The following ADAMTS12 variants were observed in gnomAD, a reference collection of about 807,000 sequenced individuals.
ADAMTS12 encodes ADAM metallopeptidase with thrombospondin type 1 motif 12.
Under a neutral mutation model 167.8 loss-of-function variants are expected in ADAMTS12, and 118 were observed. The ratio of observed to expected loss-of-function variants is 0.70; its 90% CI spans 0.61 to 0.82. ADAMTS12 has a LOEUF of 0.82. ADAMTS12 is among the 40% of genes least tolerant of loss of function. ADAMTS12 has a pLI of 0.00. For synonymous variants in ADAMTS12, 704 were observed against 716.9 expected, an observed-to-expected ratio of 0.98 and a Z score of 0.29; for missense variants, 1,916 against 1,998.8, an observed-to-expected ratio of 0.96 and a Z score of 0.79.
rs538871764 is a variant in ADAMTS12 at position 33,778,095 on chromosome 5, T to C, written c.490-26547A>G. ...ACTGATATATGAAAAATATCAGTAC[T>C]ACCCAAAGCAATCTACAGATTCTAT... is the stretch of plus-strand genomic sequence containing the variant. On this transcript the variant is annotated intron_variant, in intron 2 of 23. Transcript: ENST00000504830. Among the ~76,000 whole-genome samples the C allele has an allele frequency of 1.3e-5, 2 of 152,240 alleles. 1 individual carries two copies. Among genetic ancestry groups the C allele is most frequent in the African/African-American group, 4.8e-5 (2 of 41,578 alleles).
intron 22 of ADAMTS12, 89 bp downstream of exon 22, chr5:33,545,970 C>T (rs1744958783): frequency 2.0e-6 from 3 of 1,474,618 alleles, no homozygotes; most frequent in East Asian, 2.4e-5. Flanking sequence ...TGTAACAAAC[C>T]TGCACGTTGT....
intron 3 of ADAMTS12, among the ~76,000 whole-genome samples, chr5:33,706,100 A>C (rs181998100): frequency 6.6e-6 from 1 of 151,980 alleles, no homozygotes; most frequent in Admixed American, 6.6e-5. Flanking sequence ...ACTTTTTTTT[A>C]AAAAAATAGA....
chr5:33,585,596 A>T (rs1477714470), intron 18 of ADAMTS12, among the ~76,000 whole-genome samples: 3 of 152,178 alleles, frequency 2.0e-5, no homozygotes, highest in African/African-American at 7.2e-5. Flanking sequence ...TGTCCCTGAA[A>T]TGGTGTATCT....
rs1742226431 is a variant in ADAMTS12 at position 33,683,965 on chromosome 5, A to G, written c.725T>C (p.Ile242Thr). The G allele has an allele frequency of 6.2e-7, 1 of 1,612,556 alleles. No individual in the cohort carries two copies. The highest frequency in any genetic ancestry group is 1.1e-5 in the South Asian group (1 of 90,808). ...TGTCTCCACCCATCTCTCCTTGCTG[A>G]TGGAACGCCGAGAGAGGCTTCTGCT... The part of the protein sequence containing the change: ...LPSRSLSRRS[I>T]SKERWVETLV... Residue 242 changes from isoleucine (I) to threonine (T), a missense_variant, in exon 4 of 24, where the codon ATC becomes ACC. By Grantham distance (89) the Ile-to-Thr change is moderately conservative. Transcript: ENST00000504830.
intron 3 of ADAMTS12, among the ~76,000 whole-genome samples, chr5:33,741,389 C>T (rs1744573396): frequency 6.6e-6 from 1 of 152,160 alleles, no homozygotes; most frequent in Non-Finnish European, 1.5e-5. Flanking sequence ...TCTGGACATG[C>T]TTGCGTCCAG....
intron 3 of ADAMTS12, among the ~76,000 whole-genome samples, chr5:33,705,629 G>A (rs546161757): frequency 1.3e-5 from 2 of 152,074 alleles, no homozygotes; most frequent in African/African-American, 4.8e-5. Flanking sequence ...CCTGGCCAAC[G>A]TGTGAAACCA....
intron 13 of ADAMTS12, among the ~76,000 whole-genome samples, chr5:33,628,853 T>C (rs4866404): frequency 0.35 from 52,618 of 151,996 alleles, 10,260 homozygotes; most frequent in African/African-American, 0.54. Flanking sequence ...AGAAAGTGGG[T>C]AATTATAGCT....
chr5:33,683,810 A>T, intron 4 of ADAMTS12, 49 bp downstream of exon 4: 1 of 1,333,874 alleles, frequency 7.5e-7, no homozygotes, highest in Non-Finnish European at 9.8e-7. Flanking sequence ...AAGCATTTCT[A>T]ATGACATCTG....
intron 2 of ADAMTS12, among the ~76,000 whole-genome samples, chr5:33,851,281 G>A (rs1448945126): frequency 6.6e-6 from 1 of 152,042 alleles, no homozygotes; most frequent in Non-Finnish European, 1.5e-5. Context: ...GCATGGTGGT[G>A]GGCACCTGTA....
chr5:33,632,238 T>G (rs10941075), intron 12 of ADAMTS12, among the ~76,000 whole-genome samples: 1 of 151,778 alleles, frequency 6.6e-6, no homozygotes, highest in Non-Finnish European at 1.5e-5. Context: ...CTCTGGGGAC[T>G]CCAAAAGTAA....
At chr5:33,809,930 G>A (rs1185835132) in intron 2 of ADAMTS12, among the ~76,000 whole-genome samples, 1 of 146,236 alleles carries the variant, frequency 6.8e-6, no homozygotes, top group Non-Finnish European at 1.5e-5. Context: ...CAGGGGCTTA[G>A]CACTGGAGTA....
chr5:33,678,121 C>A lies in ADAMTS12; in HGVS notation c.915+4897G>T, dbSNP rs115430986. On this transcript the variant is annotated intron_variant, in intron 5 of 23. Coordinates refer to ENST00000504830, the MANE Select transcript of ADAMTS12 (RefSeq NM_030955.4). ...CTCAGAGACCCAATCTCGGGATTCC[C>A]CACCTCACACACTTTCCACAGAGCC... 3.2e-3 allele frequency among the ~76,000 whole-genome samples: 480 copies of A among 152,240 alleles called. 3 individuals carry two copies. The highest frequency in any genetic ancestry group is 0.011 in the African/African-American group (457 of 41,540).
chr5:33,733,347 G>C (rs1481636557), intron 3 of ADAMTS12, among the ~76,000 whole-genome samples: 2 of 152,198 alleles, frequency 1.3e-5, no homozygotes, highest in African/African-American at 4.8e-5. Flanking sequence ...CCAGAACACA[G>C]AATCTGTAGT....
At chr5:33,561,222 C>G in intron 19 of ADAMTS12, 43 bp from the exon 20 acceptor site, 1 of 1,600,044 alleles carries the variant, frequency 6.2e-7, no homozygotes, top group Non-Finnish European at 8.5e-7. Flanking sequence ...TGAGTGTCAC[C>G]TTCTCACACA....
Position 33,649,999 on chromosome 5 carries a change from G to A in ADAMTS12, c.1191-302C>T, listed in dbSNP as rs1172021075. 3.3e-5 allele frequency among the ~76,000 whole-genome samples: 5 copies of A among 152,256 alleles called. No homozygotes were observed. In the East Asian group the frequency reaches 9.7e-4, roughly 29 times the overall value. On this transcript the variant is annotated intron_variant, in intron 7 of 23. Transcript: ENST00000504830. ...TGTCTGGCTTTCTTTCTATGAATCA[G>A]GAGTCAGGAAGGCAAATCCTGCCCC...
chr5:33,754,842 G>A (rs1385274484), intron 2 of ADAMTS12, among the ~76,000 whole-genome samples: 2 of 151,964 alleles, frequency 1.3e-5, no homozygotes, highest in African/African-American at 4.8e-5. Context: ...GGAGACAAGA[G>A]GGAAGAAAAC....
intron 11 of ADAMTS12, among the ~76,000 whole-genome samples, chr5:33,641,287 G>A (rs1045007874): frequency 1.3e-5 from 2 of 152,036 alleles, no homozygotes; most frequent in Non-Finnish European, 2.9e-5. Context: ...AGGCCACTGC[G>A]GAACTTTAGG....
At position 33,576,079 on chromosome 5, in the gene ADAMTS12, T is replaced by C. The variant is rs2111961405; in HGVS notation, c.3947A>G (p.His1316Arg). ...CTCGCTCCAGTTTCCGACGATCCAG[T>C]GTGCAGAGCCGTGGCCGTTTGTGAG... ...KQLTNGHGSA[H>R]WIVGNWSECS... is the part of the protein sequence containing the mutation. The change falls in exon 19 of 24, where the codon CAC becomes CGC. Residue 1316 changes from histidine to arginine, a missense_variant. His to Arg is a conservative substitution (Grantham distance 29, BLOSUM62 0). Transcript: ENST00000504830. 6.2e-7 allele frequency: 1 copy of C among 1,613,750 alleles called. No individual in the cohort carries two copies. The highest frequency in any genetic ancestry group is 8.5e-7 in the Non-Finnish European group (1 of 1,179,816).
chr5:33,577,915 C>G (rs951678048), intron 18 of ADAMTS12, among the ~76,000 whole-genome samples: 1 of 152,188 alleles, frequency 6.6e-6, no homozygotes, highest in African/African-American at 2.4e-5. Flanking sequence ...AGCAGCTAGA[C>G]TGCCTTTGGG....
Sources: gnomAD v4.1 joint callset for allele counts (sites outside exome capture counted in the v4.1 genomes callset) on GRCh38, gnomAD v4.1.1 for gene constraint, MANE v1.5 for transcripts, NCBI Gene and HGNC (gene_info 2026-07-23, HGNC 2026-07-21) for gene names.